TMEM184B: variants seen among roughly 807,000 people sequenced by gnomAD.
TMEM184B encodes the protein putative MAPK-activating protein FM08.
A neutral mutation model predicts 41.8 loss-of-function variants in TMEM184B; 17 were observed. The observed-to-expected ratio is 0.41, with a 90% confidence interval of 0.28 to 0.61. The LOEUF (loss-of-function observed/expected upper bound fraction) is 0.61, where lower values mean the gene tolerates loss of function less well. TMEM184B is among the 20% of genes least tolerant of loss of function. The pLI is 0.34. For missense variants in TMEM184B, 393 were observed against 557.8 expected (o/e 0.70, Z 2.98); for synonymous variants, 240 against 229.5 (o/e 1.05, Z -0.41).
intron 2 of TMEM184B, 39 bp from the exon 3 acceptor site, chr22:38,246,139 G>T: frequency 6.3e-7 from 1 of 1,595,216 alleles, no homozygotes; most frequent in Non-Finnish European, 8.5e-7. Context: ...GGACCCTCCT[G>T]TCCACAGGGA....
intron 3 of TMEM184B, among the ~76,000 whole-genome samples, chr22:38,243,482 C>A (rs1388384247): frequency 1.3e-5 from 2 of 152,174 alleles, no homozygotes; most frequent in Non-Finnish European, 2.9e-5. Flanking sequence ...GCAGAGGCTG[C>A]CCCTGGGTAC....
At chr22:38,254,706 A>G (rs2092243738) in intron 1 of TMEM184B, among the ~76,000 whole-genome samples, 1 of 152,204 alleles carries the variant, frequency 6.6e-6, no homozygotes, top group African/African-American at 2.4e-5. Context: ...CCTGGGTACC[A>G]AAAAATATAT....
At chr22:38,231,569 T>C in intron 3 of TMEM184B, 1 of 648,838 alleles carries the variant, frequency 1.5e-6, no homozygotes, top group East Asian at 2.8e-5. Context: ...GATGCACCCC[T>C]GCACTGGCGT....
At chr22:38,255,842 A>T (rs2092268068) in intron 1 of TMEM184B, among the ~76,000 whole-genome samples, 1 of 152,212 alleles carries the variant, frequency 6.6e-6, no homozygotes, top group Admixed American at 6.5e-5. Flanking sequence ...ATAAAGATGG[A>T]GCATGGTGTA....
At chr22:38,265,703 C>T (rs1431209134) in intron 1 of TMEM184B, among the ~76,000 whole-genome samples, 2 of 152,178 alleles carry the variant, frequency 1.3e-5, no homozygotes, top group Non-Finnish European at 2.9e-5. Flanking sequence ...TAATTAATAT[C>T]CTCACACATA....
intron 1 of TMEM184B, among the ~76,000 whole-genome samples, chr22:38,264,892 CACTG>C (rs2092422524): frequency 6.6e-6 from 1 of 152,222 alleles, no homozygotes; most frequent in Non-Finnish European, 1.5e-5. Context: ...GCCGTGCTCC[CACTG>C]ACTGAGACGG....
intron 5 of TMEM184B, among the ~76,000 whole-genome samples, chr22:38,228,611 C>T (rs886724979): frequency 1.3e-5 from 2 of 152,180 alleles, no homozygotes; most frequent in Non-Finnish European, 2.9e-5. Flanking sequence ...GGAATCTCTA[C>T]TTTAAGTAGG....
chr22:38,220,880 C>T lies in TMEM184B; in HGVS notation c.*589G>A, dbSNP rs557919557. On this transcript the variant is annotated 3_prime_UTR_variant, in exon 9 of 9. Transcript: ENST00000361906. ...TGCCCTTCCTGGGTGGGGCCTGTGA[C>T]TCCTGGTGTCTGGCTCTGATCCTTG... The T allele has an allele frequency of 2.0e-6, 2 of 986,182 alleles. No individual in the cohort carries two copies. Among genetic ancestry groups the T allele is most frequent in the African/African-American group, 3.5e-5 (2 of 57,380 alleles). The allele number at this position is 986,182 out of a possible 1,614,324, so 61.1% of individuals were successfully genotyped here.
Position 38,219,724 on chromosome 22 carries a change from A to C in TMEM184B, c.*1745T>G. On this transcript the variant is annotated 3_prime_UTR_variant, in exon 9 of 9. Transcript: ENST00000361906. ...GGGAATCAGCAGCACTTTGGCCTGG[A>C]GGGAGAAGGGAAGCCACGGTGGAGA... 1.0e-6 allele frequency: 1 copy of C among 985,686 alleles called. No homozygotes were observed. Among genetic ancestry groups the C allele is most frequent in the Non-Finnish European group, 1.2e-6 (1 of 830,108 alleles). 61.1% of individuals were successfully genotyped at this position (985,686 alleles called of 1,614,324 possible). A position where few individuals can be genotyped will look rare whatever the true frequency, so the allele number is the denominator to read the frequency against.
At chr22:38,257,313 A>C (rs2092298377) in intron 1 of TMEM184B, among the ~76,000 whole-genome samples, 1 of 152,218 alleles carries the variant, frequency 6.6e-6, no homozygotes, top group African/African-American at 2.4e-5. Flanking sequence ...TCGTTTACAA[A>C]AACGTGATTG....
rs2145647823 is a variant in TMEM184B at position 38,239,636 on chromosome 22, T to A, written c.358+6299A>T. On this transcript the variant is annotated intron_variant, in intron 3 of 8. Coordinates refer to ENST00000361906, the MANE Select transcript of TMEM184B (RefSeq NM_012264.5). This position sits in a 1 kb window ranked among gnomAD's most constrained non-coding sequence, Gnocchi z 4.6. The stretch of plus-strand genomic sequence containing the variant: ...CCACGTGGAGCCACTGCATTACAAG[T>A]TTCAACAGAGGCTGAGACAGCTCTA... 6.6e-6 allele frequency: 1 copy of A among 152,158 alleles called. No individual in the cohort carries two copies. The highest frequency in any genetic ancestry group is 1.9e-4 in the East Asian group (1 of 5,184). The allele number at this position is 152,158 out of a possible 1,614,324, so 9.4% of individuals were successfully genotyped here.
intron 1 of TMEM184B, among the ~76,000 whole-genome samples, chr22:38,257,184 T>C (rs1037431858): frequency 6.6e-6 from 1 of 151,992 alleles, no homozygotes; most frequent in East Asian, 1.9e-4. Flanking sequence ...AATCCTCTCA[T>C]AGCTGAACTC....
chr22:38,226,877 G>T lies in TMEM184B; in HGVS notation c.526-7C>A. The stretch of plus-strand genomic sequence containing the variant: ...CACAGAACTGCAGGGTGGCCTGTTG[G>T]GGGGAAAAGGAGGTTGAGTGTGGAG... On this transcript the variant is annotated splice_polypyrimidine_tract_variant and splice_region_variant and intron_variant, in intron 5 of 8. Transcript: ENST00000361906. This position sits in a 1 kb window ranked among gnomAD's most constrained non-coding sequence, Gnocchi z 4.6. 3 of 1,580,426 alleles carry T rather than the reference G, an allele frequency of 1.9e-6. No homozygotes were observed. Among genetic ancestry groups the T allele is most frequent in the Admixed American group, 1.8e-5 (1 of 54,408 alleles).
At chr22:38,245,837 G>C in intron 3 of TMEM184B, 98 bp downstream of exon 3, 1 of 1,285,832 alleles carries the variant, frequency 7.8e-7, no homozygotes, top group Non-Finnish European at 1.1e-6. Flanking sequence ...GGTGTGTCAA[G>C]ACAGTCCTCA....
intron 2 of TMEM184B, among the ~76,000 whole-genome samples, 175 bp downstream of exon 2, chr22:38,247,595 G>A (rs1442160713): frequency 1.3e-5 from 2 of 152,186 alleles, no homozygotes; most frequent in African/African-American, 2.4e-5. Context: ...GTGAGACTCT[G>A]TCTCAAAAAA....
At chr22:38,257,516 C>T (rs760668558) in intron 1 of TMEM184B, among the ~76,000 whole-genome samples, 19 of 152,080 alleles carry the variant, frequency 1.2e-4, no homozygotes, top group Non-Finnish European at 2.4e-4. Flanking sequence ...CTAAACAAGC[C>T]GAACGTGAAG....
chr22:38,253,972 G>A (rs1350936287), intron 1 of TMEM184B, among the ~76,000 whole-genome samples: 3 of 152,092 alleles, frequency 2.0e-5, no homozygotes, highest in African/African-American at 7.2e-5. Flanking sequence ...AGGCCAAGGT[G>A]GGCGGATCAC....
chr22:38,250,181 C>T (rs951625483), intron 1 of TMEM184B, among the ~76,000 whole-genome samples: 2 of 152,224 alleles, frequency 1.3e-5, no homozygotes, highest in Non-Finnish European at 2.9e-5. Flanking sequence ...CTGGGTGCGG[C>T]GGCCTGCAGC....
downstream of TMEM184B, among the ~76,000 whole-genome samples, chr22:38,217,363 G>A (rs572811072): frequency 2.2e-4 from 18 of 80,100 alleles, no homozygotes; most frequent in Non-Finnish European, 3.5e-4. Context: ...AACATGGCCC[G>A]GGTGCGGTGG....
Sources: gnomAD v4.1 joint callset for allele counts (sites outside exome capture counted in the v4.1 genomes callset) on GRCh38, gnomAD v4.1.1 for gene constraint, Gnocchi (gnomAD v3.1) non-coding constraint, MANE v1.5 for transcripts, NCBI Gene and HGNC (gene_info 2026-07-23, HGNC 2026-07-21) for gene names.